STK17A: variants seen among roughly 807,000 people sequenced by gnomAD.
STK17A encodes serine/threonine kinase 17a, also known as serine/threonine-protein kinase 17A.
In STK17A, 26 loss-of-function variants were observed where a neutral mutation model predicts 43.7. The observed-to-expected ratio is 0.60, with a 90% CI of 0.44 to 0.83. STK17A has a LOEUF of 0.83. Among genes scored for constraint, STK17A ranks in the 40% least tolerant of loss-of-function variants. The probability of loss-of-function intolerance (pLI) is 0.00; values close to 1 mark genes in which losing one functional copy is unlikely to be tolerated. For synonymous variants in STK17A, 191 were observed against 182.5 expected, an observed-to-expected ratio of 1.05 and a Z score of -0.38; for missense variants, 476 against 511.6, an observed-to-expected ratio of 0.93 and a Z score of 0.67.
rs60703469 is a variant in STK17A, at chr7:43,589,937, AATTTT to A, written c.207-5934_207-5930del. On this transcript the variant is annotated intron_variant, in intron 1 of 6. Transcript: ENST00000319357. The stretch of plus-strand genomic sequence containing the variant: ...TTTAATTTTATTTAATTTTAATTTT[AATTTT>A]ATTTTATTTTATTTTATTTTATTTT... Among the ~76,000 whole-genome samples, 477 of 103,844 alleles carry A rather than the reference AATTTT, an allele frequency of 4.6e-3. 2 individuals are homozygous for A. Among genetic ancestry groups the A allele is most frequent in the African/African-American group, 0.013 (429 of 33,076 alleles). 68.1% of individuals were successfully genotyped at this position (103,844 alleles called of 152,430 possible).
chr7:43,594,793 G>T (rs2082503190), intron 1 of STK17A, among the ~76,000 whole-genome samples: 1 of 150,944 alleles, frequency 6.6e-6, no homozygotes, highest in Non-Finnish European at 1.5e-5. Flanking sequence ...GGGCATGGAG[G>T]CTCATGCCTT....
intron 4 of STK17A, chr7:43,622,608 TATA>T (rs1364107846): frequency 2.6e-5 from 4 of 152,168 alleles, no homozygotes; most frequent in Non-Finnish European, 5.9e-5. Context: ...GGAGCATTTT[TATA>T]ATATTTTTCC....
At chr7:43,599,695 T>C (rs2082543315) in intron 2 of STK17A, among the ~76,000 whole-genome samples, 1 of 152,234 alleles carries the variant, frequency 6.6e-6, no homozygotes, top group Non-Finnish European at 1.5e-5. Context: ...AACTGGCTTA[T>C]GTGCTTATGG....
chr7:43,615,416 ATCCAC>A (rs2083255422), intron 3 of STK17A, among the ~76,000 whole-genome samples: 1 of 152,108 alleles, frequency 6.6e-6, no homozygotes, highest in African/African-American at 2.4e-5. Flanking sequence ...AGCTCAAACA[ATCCAC>A]TCACCTCGGC....
rs768521223 is a variant in STK17A at position 43,596,051 on chromosome 7, T to G, written c.357T>G (p.Pro119=). 6.2e-7 allele frequency: 1 copy of G among 1,613,760 alleles called. No homozygotes were observed. The highest frequency in any genetic ancestry group is 2.2e-5 in the East Asian group (1 of 44,806). The change falls in exon 2 of 7, where the codon CCT becomes CCG. Residue 119 remains proline (P), a synonymous_variant. Transcript: ENST00000319357. ...TACTTGAACTAGCACAAGACAATCC[T>G]TGGGTCATTAATTTACATGAAGTTT... The part of the protein sequence containing the change: ...IAVLELAQDN[P]WVINLHEVYE...
At chr7:43,602,670 T>C (rs13227883) in intron 2 of STK17A, among the ~76,000 whole-genome samples, 22,318 of 152,214 alleles carry the variant, frequency 0.15, 2,181 homozygotes, top group Non-Finnish European at 0.21. Flanking sequence ...TATATAAATG[T>C]AAGTGTTCCC....
chr7:43,608,170 CTG>C, intron 2 of STK17A, 84 bp from the exon 3 acceptor site: 2 of 1,317,232 alleles, frequency 1.5e-6, no homozygotes, highest in Non-Finnish European at 2.1e-6. Flanking sequence ...TACTGCCAGA[CTG>C]TAATTAATTT....
intron 3 of STK17A, 41 bp from the exon 4 acceptor site, chr7:43,619,556 C>A: frequency 6.3e-7 from 1 of 1,599,102 alleles, no homozygotes; most frequent in Non-Finnish European, 8.5e-7. Flanking sequence ...TGTACTTAAT[C>A]ATAGTTATAT....
At chr7:43,589,131 A>T (rs934593132) in intron 1 of STK17A, among the ~76,000 whole-genome samples, 23 of 151,574 alleles carry the variant, frequency 1.5e-4, no homozygotes, top group African/African-American at 5.6e-4. Flanking sequence ...CAGTATATTA[A>T]ATGTCATGAG....
In STK17A at chr7:43,623,908, G is replaced by C. The variant is rs1203520383; in HGVS notation, c.920+20G>C. On this transcript the variant is annotated intron_variant, in intron 6 of 6. Coordinates refer to ENST00000319357, the MANE Select transcript of STK17A (RefSeq NM_004760.3). ...ACCTGAGTAAGTATTATTTTTATTAGTTTAATATTGAACTAATTCAATATT... is the reference window on the plus strand; with the variant it reads ...ACCTGAGTAAGTATTATTTTTATTACTTTAATATTGAACTAATTCAATATT... 2 of 1,421,532 alleles carry C rather than the reference G, an allele frequency of 1.4e-6. No individual in the cohort carries two copies. The highest frequency in any genetic ancestry group is 2.6e-5 in the Admixed American group (1 of 38,114). The allele number at this position is 1,421,532 out of a possible 1,614,324, so 88.1% of individuals were successfully genotyped here. A position where few individuals can be genotyped will look rare whatever the true frequency, so the allele number is the denominator to read the frequency against.
chr7:43,583,827 T>C (rs988693186), intron 1 of STK17A, among the ~76,000 whole-genome samples: 2 of 152,210 alleles, frequency 1.3e-5, no homozygotes, highest in Admixed American at 1.3e-4. Context: ...GAGCCGACTT[T>C]GCATTTTTCC....
chr7:43,625,994 G>T lies in STK17A; in HGVS notation c.*1152G>T, dbSNP rs1398429923. On this transcript the variant is annotated 3_prime_UTR_variant, in exon 7 of 7. Transcript: ENST00000319357. ...TTGATTAGGATTGAACAGTTCAGTT[G>T]TATCTATGCCCCACAGTGACCAGTA... 7 of 152,312 alleles carry T rather than the reference G, an allele frequency of 4.6e-5. No individual in the cohort carries two copies. The highest frequency in any genetic ancestry group is 1.4e-4 in the African/African-American group (6 of 41,578). 9.4% of individuals were successfully genotyped at this position (152,312 alleles called of 1,614,324 possible). A position where few individuals can be genotyped will look rare whatever the true frequency, so the allele number is the denominator to read the frequency against.
chr7:43,598,678 A>G (rs1357492288), intron 2 of STK17A, among the ~76,000 whole-genome samples: 1 of 151,734 alleles, frequency 6.6e-6, no homozygotes, highest in Non-Finnish European at 1.5e-5. Flanking sequence ...AGCTCAAGAA[A>G]TTTTTTTTCA....
chr7:43,620,989 G>C (rs76037972), intron 4 of STK17A, among the ~76,000 whole-genome samples: 1 of 152,208 alleles, frequency 6.6e-6, no homozygotes. Context: ...GAAGAGAGCA[G>C]GGTCTCCTTT....
intron 1 of STK17A, among the ~76,000 whole-genome samples, chr7:43,594,733 A>G (rs1042366663): frequency 3.9e-5 from 6 of 152,138 alleles, no homozygotes; most frequent in Non-Finnish European, 7.4e-5. Context: ...AACCCTGTGA[A>G]GTAGATGCCA....
Position 43,583,352 on chromosome 7 carries a change from C to A in STK17A, c.109C>A (p.Pro37Thr). 1 of 1,441,280 alleles carries A rather than the reference C, an allele frequency of 6.9e-7. No individual in the cohort carries two copies. Among genetic ancestry groups the A allele is most frequent in the Admixed American group, 2.7e-5 (1 of 36,370 alleles). 89.3% of individuals were successfully genotyped at this position (1,441,280 alleles called of 1,614,324 possible). A position where few individuals can be genotyped will look rare whatever the true frequency, so the allele number is the denominator to read the frequency against. Residue 37 changes from proline to threonine, a missense_variant, in exon 1 of 7, where the codon CCC becomes ACC. By Grantham distance (38) the Pro-to-Thr change is conservative (BLOSUM62 -1). Transcript: ENST00000319357. ...LSGPCRPPPP[P>T]QARGLLTEIR... is the part of the protein sequence containing the mutation. Reference sequence around the variant, plus strand: ...CGGGCCGTGCCGGCCGCCGCCGCCGCCCCAGGCCCGCGGGCTGCTGACAGA... The same window carrying A: ...CGGGCCGTGCCGGCCGCCGCCGCCGACCCAGGCCCGCGGGCTGCTGACAGA...
chr7:43,611,381 A>T (rs192575291), intron 3 of STK17A, among the ~76,000 whole-genome samples: 1 of 152,214 alleles, frequency 6.6e-6, no homozygotes, highest in Non-Finnish European at 1.5e-5. Context: ...TTTTAATACC[A>T]TGGCTAAAAT....
intron 3 of STK17A, among the ~76,000 whole-genome samples, chr7:43,619,288 TAGG>T (rs1314780192): frequency 1.3e-5 from 2 of 152,104 alleles, no homozygotes; most frequent in Non-Finnish European, 2.9e-5. Flanking sequence ...GAGGGAATAG[TAGG>T]AGCAAGCGTG....
intron 3 of STK17A, among the ~76,000 whole-genome samples, chr7:43,617,356 G>A (rs972403045): frequency 3.3e-5 from 5 of 152,248 alleles, no homozygotes; most frequent in African/African-American, 1.2e-4. Context: ...AACCTTTGAA[G>A]AGGCCATTGC....
Sources: gnomAD v4.1 joint callset for allele counts (sites outside exome capture counted in the v4.1 genomes callset) on GRCh38, gnomAD v4.1.1 for gene constraint, MANE v1.5 for transcripts, NCBI Gene and HGNC (gene_info 2026-07-23, HGNC 2026-07-21) for gene names.